Variants in ZNF266 observed in about 807,000 individuals in gnomAD.
ZNF266 encodes the protein zinc finger protein 266.
ZNF266 carries 16 observed loss-of-function variants against 16.4 expected under a neutral mutation model. The ratio of observed to expected loss-of-function variants is 0.98; its 90% CI spans 0.66 to 1.48. The LOEUF is 1.48. ZNF266 is among the 40% of genes most tolerant of loss of function. The pLI, the probability that ZNF266 is intolerant of heterozygous loss-of-function variation, is 0.00. For missense variants in ZNF266, 738 were observed against 689.1 expected (o/e 1.07, Z -0.79); for synonymous variants, 262 against 237.9 (o/e 1.10, Z -0.93).
chr19:9,432,461 C>A (rs1420478125), intron 5 of ZNF266, among the ~76,000 whole-genome samples: 1 of 152,082 alleles, frequency 6.6e-6, no homozygotes, highest in East Asian at 1.9e-4. Context: ...CACTGGAACC[C>A]CTAAGTGCCA....
At chr19:9,424,732 T>C (rs2070475910) in intron 5 of ZNF266, among the ~76,000 whole-genome samples, 1 of 152,234 alleles carries the variant, frequency 6.6e-6, no homozygotes, top group Non-Finnish European at 1.5e-5. Flanking sequence ...TATAATTTTG[T>C]CTTTAAGAAA....
chr19:9,416,356 TTG>T (rs1284469500), intron 9 of ZNF266, among the ~76,000 whole-genome samples: 55 of 28,430 alleles, frequency 1.9e-3, no homozygotes, highest in African/African-American at 0.01. Context: ...GAGCTTGTTT[TTG>T]TTTTTTGTTT....
chr19:9,421,399 C>T (rs1354147545), intron 5 of ZNF266, among the ~76,000 whole-genome samples: 1 of 152,226 alleles, frequency 6.6e-6, no homozygotes, highest in African/African-American at 2.4e-5. Flanking sequence ...TTATTTTAAA[C>T]TTGAAATGTA....
rs574122975 is a variant in ZNF266, at chr19:9,424,238, A to G, written c.-129-4020T>C. Among the ~76,000 whole-genome samples, 17 of 149,834 alleles carry G rather than the reference A, an allele frequency of 1.1e-4. No homozygotes were observed. In the South Asian group the frequency reaches 1.3e-3, roughly 11 times the overall value. On this transcript the variant is annotated intron_variant, in intron 5 of 10. Transcript: ENST00000592904. ...CAAGAGGCAAAAAAAAAAAAAAAAA[A>G]AAAGAAAAAAGTTAATCTACTGGCT...
In ZNF266 at chr19:9,412,930, G is replaced by C. The variant is rs188563420; in HGVS notation, c.*345C>G. ...ACTTAGGGCTTACAAATATGGAGTG[G>C]GGCATCATCCAGACCATACCATTTA... On this transcript the variant is annotated 3_prime_UTR_variant, in exon 11 of 11. Transcript: ENST00000592904. 23 of 249,548 alleles carry C rather than the reference G, an allele frequency of 9.2e-5. No homozygotes were observed. Among genetic ancestry groups the C allele is most frequent in the East Asian group, 9.0e-4 (10 of 11,086 alleles). 15.5% of individuals were successfully genotyped at this position (249,548 alleles called of 1,614,324 possible). A position where few individuals can be genotyped will look rare whatever the true frequency, so the allele number is the denominator to read the frequency against.
At chr19:9,416,729 C>T (rs1320522968) in intron 9 of ZNF266, among the ~76,000 whole-genome samples, 3 of 117,404 alleles carry the variant, frequency 2.6e-5, no homozygotes, top group East Asian at 5.4e-4. Flanking sequence ...TGGAGTTCAG[C>T]GGCACGATCT....
intron 9 of ZNF266, among the ~76,000 whole-genome samples, chr19:9,416,696 G>T: frequency 1.1e-5 from 1 of 91,320 alleles, no homozygotes; most frequent in Non-Finnish European, 2.0e-5. Flanking sequence ...TTTTGAGACA[G>T]AGTCTTGCTC....
rs374840675 is a variant in ZNF266, at chr19:9,415,635, G to A, written c.405+19C>T. On this transcript the variant is annotated intron_variant, in intron 10 of 10. Transcript: ENST00000592904. Reference sequence around the variant, plus strand: ...CATCTCTAAATGTGAAAACTAAGACGTATCCTTGTTAATCTTACCATTTGA... The same window carrying A: ...CATCTCTAAATGTGAAAACTAAGACATATCCTTGTTAATCTTACCATTTGA... The A allele has an allele frequency of 2.7e-5, 42 of 1,580,724 alleles. No individual in the cohort carries two copies. The highest frequency in any genetic ancestry group is 4.5e-5 in the East Asian group (2 of 44,362).
intron 8 of ZNF266, 37 bp from the exon 9 acceptor site, chr19:9,417,945 C>A (rs1315215471): frequency 6.3e-7 from 1 of 1,582,086 alleles, no homozygotes; most frequent in Non-Finnish European, 8.7e-7. Context: ...AGAAGAGGCT[C>A]ATGCAAGAGA....
At chr19:9,418,183 A>G (rs758882469) in intron 8 of ZNF266, among the ~76,000 whole-genome samples, 3 of 152,216 alleles carry the variant, frequency 2.0e-5, no homozygotes, top group Non-Finnish European at 4.4e-5. Context: ...ATGGGAAACA[A>G]CTATACATCT....
chr19:9,434,733 A>T (rs1346563329), intron 3 of ZNF266, 65 bp downstream of exon 3: 1 of 152,222 alleles, frequency 6.6e-6, no homozygotes, highest in Non-Finnish European at 1.5e-5. Context: ...ACATGTCTTT[A>T]TCCACAGGAC....
At chr19:9,423,336 G>T (rs1397555163) in intron 5 of ZNF266, among the ~76,000 whole-genome samples, 1 of 152,196 alleles carries the variant, frequency 6.6e-6, no homozygotes, top group African/African-American at 2.4e-5. Context: ...TCACGTTCCG[G>T]TGTGGATCTG....
rs2068683480 is a variant in ZNF266, at chr19:9,414,469, T to G, written c.657A>C (p.Gly219=). The change falls in exon 11 of 11, where the codon GGA becomes GGC. Residue 219 remains glycine (G), a synonymous_variant. Coordinates refer to ENST00000592904, the MANE Select transcript of ZNF266 (RefSeq NM_001370374.1). The part of the protein sequence containing the change: ...PDVVCQRTCT[G]EKAFDCSDSG... ...AGTCACTGCAATCAAAAGCTTTCTCTCCTGTGCACGTTCTCTGGCAAACAA... is the reference window on the plus strand; with the variant it reads ...AGTCACTGCAATCAAAAGCTTTCTCGCCTGTGCACGTTCTCTGGCAAACAA... The G allele has an allele frequency of 1.9e-6, 3 of 1,614,072 alleles. No homozygotes were observed. Among genetic ancestry groups the G allele is most frequent in the Non-Finnish European group, 2.5e-6 (3 of 1,180,020 alleles).
In ZNF266 at chr19:9,413,587, C is replaced by A; in HGVS notation, c.1539G>T (p.Thr513=). 6.2e-7 allele frequency: 1 copy of A among 1,614,034 alleles called. No individual in the cohort carries two copies. Among genetic ancestry groups the A allele is most frequent in the Non-Finnish European group, 8.5e-7 (1 of 1,180,002 alleles). Reference sequence around the variant, plus strand: ...TGTGATTATTAAGACTGGAGGAATGCGTAAATGCTTTACCACATTCCAGGC... The same window carrying A: ...TGTGATTATTAAGACTGGAGGAATGAGTAAATGCTTTACCACATTCCAGGC... ...FECLECGKAF[T]HSSSLNNHMR... The change falls in exon 11 of 11, where the codon ACG becomes ACT. Residue 513 remains threonine (T), a synonymous_variant. Coordinates refer to ENST00000592904, the MANE Select transcript of ZNF266 (RefSeq NM_001370374.1).
intron 9 of ZNF266, among the ~76,000 whole-genome samples, chr19:9,416,367 T>G (rs1183946072): frequency 1.4e-5 from 2 of 146,986 alleles, no homozygotes; most frequent in Non-Finnish European, 3.0e-5. Context: ...TGTTTTTTGT[T>G]TTTTTTTTTT....
At position 9,418,531 on chromosome 19, in the gene ZNF266, T is replaced by G; in HGVS notation, c.209A>C (p.Glu70Ala). ...QRNLYRDVMLENYKNLATVGY... is the reference protein window; with the variant it reads ...QRNLYRDVMLANYKNLATVGY... ...TACTGTGGCCAAATTCTTGTAGTTC[T>G]CCAGCATCACATCTCTGTAGAGGTT... Residue 70 changes from glutamate (E) to alanine (A), a missense_variant, in exon 8 of 11, where the codon GAG becomes GCG. Coordinates refer to ENST00000592904, the MANE Select transcript of ZNF266 (RefSeq NM_001370374.1). The G allele has an allele frequency of 1.9e-6, 3 of 1,614,222 alleles. No individual in the cohort carries two copies. The highest frequency in any genetic ancestry group is 2.5e-6 in the Non-Finnish European group (3 of 1,180,020).
intron 5 of ZNF266, among the ~76,000 whole-genome samples, chr19:9,423,627 G>A (rs766768268): frequency 5.3e-5 from 8 of 152,170 alleles, no homozygotes; most frequent in Non-Finnish European, 7.3e-5. Context: ...CTGACTCACA[G>A]GTCAAGGTGT....
Position 9,414,087 on chromosome 19 carries a change from A to G in ZNF266, c.1039T>C (p.Ser347Pro), listed in dbSNP as rs377546099. ...CKDCGRAFTV[S>P]SCLSQHMKIH... ...TTCATATGTTGACTTAAGCAAGAGG[A>G]AACAGTGAAGGCTCTCCCACAATCC... Residue 347 changes from serine (S) to proline (P), a missense_variant, in exon 11 of 11, where the codon TCC (serine) becomes CCC (proline). By Grantham distance (74) the Ser-to-Pro change is moderately conservative (BLOSUM62 -1). Transcript: ENST00000592904. 5.8e-5 allele frequency: 94 copies of G among 1,613,552 alleles called. No homozygotes were observed. Among genetic ancestry groups the G allele is most frequent in the Admixed American group, 8.3e-5 (5 of 59,956 alleles).
Position 9,413,436 on chromosome 19 carries a change from ACT to A in ZNF266, c.1688_1689del (p.Gln563LeufsTer15), listed in dbSNP as rs774738123. On this transcript the variant is annotated frameshift_variant, in exon 11 of 11. Transcript: ENST00000592904. LOFTEE classifies it low-confidence loss of function (END_TRUNC). ...HTGEKPYKCK[Q>X]CGKSFSYSNS... ...TTGGAGTAACTGAAGGATTTCCCACACTGTTTACATTTGTAGGGTTTTTCTCC... is the reference window on the plus strand; with the variant it reads ...TTGGAGTAACTGAAGGATTTCCCACAGTTTACATTTGTAGGGTTTTTCTCC... 1.5e-5 allele frequency: 25 copies of A among 1,613,926 alleles called. No individual in the cohort carries two copies. Among genetic ancestry groups the A allele is most frequent in the Non-Finnish European group, 2.0e-5 (24 of 1,180,014 alleles).
Sources: allele counts gnomAD v4.1 joint callset (sites outside exome capture counted in the v4.1 genomes callset), GRCh38; gene constraint gnomAD v4.1.1; transcripts MANE v1.5; gene names NCBI Gene and HGNC (gene_info 2026-07-23, HGNC 2026-07-21).